Variants in TTC28 observed in about 807,000 individuals in gnomAD.
TTC28 encodes the protein tetratricopeptide repeat domain 28.
A neutral mutation model predicts 198.0 loss-of-function variants in TTC28; 61 were observed. That is an observed-to-expected ratio of 0.31 (90% CI 0.25 to 0.38). TTC28 has a LOEUF of 0.38. Among genes scored for constraint, TTC28 ranks in the 10% least tolerant of loss-of-function variants. The pLI is 1.00. For synonymous variants in TTC28, 1,171 were observed against 1,297.8 expected, an observed-to-expected ratio of 0.90 and a Z score of 2.10; for missense variants, 2,678 against 3,164.0, an observed-to-expected ratio of 0.85 and a Z score of 3.69.
intron 2 of TTC28, among the ~76,000 whole-genome samples, chr22:28,433,119 T>C (rs1466859190): frequency 6.6e-6 from 1 of 152,200 alleles, no homozygotes; most frequent in Non-Finnish European, 1.5e-5. Flanking sequence ...CAAATGTTAC[T>C]ATCAAATTTG....
intron 1 of TTC28, among the ~76,000 whole-genome samples, chr22:28,648,855 G>T (rs565126483): frequency 1.3e-5 from 2 of 152,094 alleles, no homozygotes; most frequent in South Asian, 4.1e-4. Context: ...GTTGCAGTGA[G>T]CCGAGATCAC....
chr22:28,378,329 G>C (rs2046443692), intron 2 of TTC28, among the ~76,000 whole-genome samples: 1 of 141,768 alleles, frequency 7.1e-6, no homozygotes, highest in Non-Finnish European at 1.5e-5. Flanking sequence ...CTAGGATACA[G>C]AGTGAGACTC....
At chr22:28,097,688 G>A (rs370064680) in intron 10 of TTC28, among the ~76,000 whole-genome samples, 4 of 152,328 alleles carry the variant, frequency 2.6e-5, no homozygotes, top group East Asian at 1.9e-4. Flanking sequence ...AAAGAAAGCA[G>A]ACAGAAGCAG....
intron 2 of TTC28, among the ~76,000 whole-genome samples, chr22:28,325,071 T>A (rs134482): frequency 0.86 from 129,619 of 150,560 alleles, 56,081 homozygotes; most frequent in East Asian, 0.99. Context: ...CTCCTTGTAC[T>A]CTGGTTGAAT....
intron 5 of TTC28, among the ~76,000 whole-genome samples, chr22:28,183,233 T>A (rs1923875989): frequency 6.6e-6 from 1 of 152,058 alleles, no homozygotes; most frequent in African/African-American, 2.4e-5. Context: ...CTAATATTTT[T>A]ATTTTTGGTA....
At chr22:28,222,289 A>G (rs1927935671) in intron 5 of TTC28, among the ~76,000 whole-genome samples, 1 of 152,224 alleles carries the variant, frequency 6.6e-6, no homozygotes, top group African/African-American at 2.4e-5. Flanking sequence ...GAGGTAAAGC[A>G]GAACACAACA....
rs180816110 is a variant in TTC28, at chr22:28,105,757, C to T, written c.2829G>A (p.Arg943=). The T allele has an allele frequency of 4.4e-4, 676 of 1,551,680 alleles. 2 individuals carry two copies. The African/African-American group carries it at 8.5e-3, about 20-fold the overall frequency. Reference sequence around the variant, plus strand: ...CTCCAAGTTCATGAGCAACCACGAGCCTCTTTTCAAAGCACACAAGGGCTT... The same window carrying T: ...CTCCAAGTTCATGAGCAACCACGAGTCTCTTTTCAAAGCACACAAGGGCTT... The part of the protein sequence containing the change: ...LQQALVCFEK[R]LVVAHELGEA... The change falls in exon 8 of 23, where the codon AGG becomes AGA. Residue 943 remains arginine, a synonymous_variant. Coordinates refer to ENST00000397906, the MANE Select transcript of TTC28 (RefSeq NM_001145418.2).
chr22:28,649,595 C>T (rs926607399), intron 1 of TTC28, among the ~76,000 whole-genome samples: 1 of 152,058 alleles, frequency 6.6e-6, no homozygotes, highest in African/African-American at 2.4e-5. Context: ...TGGAGATTTA[C>T]CAAAACATAA....
chr22:28,201,082 T>C (rs1345850072), intron 5 of TTC28, among the ~76,000 whole-genome samples: 1 of 152,178 alleles, frequency 6.6e-6, no homozygotes, highest in African/African-American at 2.4e-5. Flanking sequence ...TGGATAGTGT[T>C]ATCTCACTTC....
At chr22:28,149,456 T>C (rs1943553483) in intron 6 of TTC28, among the ~76,000 whole-genome samples, 1 of 152,204 alleles carries the variant, frequency 6.6e-6, no homozygotes, top group Non-Finnish European at 1.5e-5. Context: ...TAAGACAATA[T>C]GGATGAACCT....
At chr22:28,582,843 T>C (rs951127108) in intron 2 of TTC28, among the ~76,000 whole-genome samples, 1 of 152,196 alleles carries the variant, frequency 6.6e-6, no homozygotes, top group Non-Finnish European at 1.5e-5. Context: ...TTGTGATTCA[T>C]AATGAGAAAT....
At chr22:28,253,054 A>G (rs1214983057) in intron 5 of TTC28, among the ~76,000 whole-genome samples, 1 of 152,248 alleles carries the variant, frequency 6.6e-6, no homozygotes, top group Non-Finnish European at 1.5e-5. Context: ...GACTGAAAAC[A>G]AAATATTATA....
At chr22:28,049,626 G>A in intron 12 of TTC28, among the ~76,000 whole-genome samples, 1 of 152,118 alleles carries the variant, frequency 6.6e-6, no homozygotes, top group East Asian at 1.9e-4. Context: ...GGGTCATGAT[G>A]GCCCCACTGA....
intron 2 of TTC28, among the ~76,000 whole-genome samples, chr22:28,322,982 A>G (rs1056002156): frequency 6.6e-6 from 1 of 152,166 alleles, no homozygotes; most frequent in African/African-American, 2.4e-5. Context: ...ATAAGGACCT[A>G]TCTGATTACA....
At chr22:28,050,672 A>G (rs553180216) in intron 12 of TTC28, among the ~76,000 whole-genome samples, 16 of 152,284 alleles carry the variant, frequency 1.1e-4, no homozygotes, top group Non-Finnish European at 1.6e-4. Context: ...CTACACATGC[A>G]CTAATACAAG....
At chr22:28,663,641 GTCCTACGCC>G (rs2051790981) in intron 1 of TTC28, among the ~76,000 whole-genome samples, 1 of 131,922 alleles carries the variant, frequency 7.6e-6, no homozygotes. Flanking sequence ...GGCTCAGAGG[GTCCTACGCC>G]CACGGAATCT....
chr22:28,545,299 G>A lies in TTC28; in HGVS notation c.381+84253C>T, dbSNP rs959476324. Among the ~76,000 whole-genome samples, 3 of 152,284 alleles carry A rather than the reference G, an allele frequency of 2.0e-5. No individual in the cohort carries two copies. In the South Asian group the frequency reaches 6.2e-4, roughly 32 times the overall value. ...AAACTAATAGAAGTGGCTGGATGAG[G>A]TGGTTTACACCTATAATCCTAGCAA... On this transcript the variant is annotated intron_variant, in intron 2 of 22. Transcript: ENST00000397906.
chr22:28,061,576 T>C (rs1940545858), intron 12 of TTC28, among the ~76,000 whole-genome samples: 1 of 152,204 alleles, frequency 6.6e-6, no homozygotes, highest in Non-Finnish European at 1.5e-5. Flanking sequence ...CATTGGTCTG[T>C]ATCTCTGTTT....
chr22:28,139,140 C>T (rs998527737), intron 6 of TTC28, among the ~76,000 whole-genome samples: 1 of 152,078 alleles, frequency 6.6e-6, no homozygotes, highest in Non-Finnish European at 1.5e-5. Context: ...TTTAATGATG[C>T]CTTCTGTGGA....
Sources: gnomAD v4.1 joint callset for allele counts (sites outside exome capture counted in the v4.1 genomes callset) on GRCh38, gnomAD v4.1.1 for gene constraint, MANE v1.5 for transcripts, NCBI Gene and HGNC (gene_info 2026-07-23, HGNC 2026-07-21) for gene names.